Variants in MAGI3 observed in about 807,000 individuals in gnomAD.
The protein encoded by MAGI3 is membrane-associated guanylate kinase, WW and PDZ domain-containing protein 3.
A neutral mutation model predicts 121.8 loss-of-function variants in MAGI3; 43 were observed. The ratio of observed to expected loss-of-function variants is 0.35; its 90% CI spans 0.28 to 0.46. The LOEUF is 0.46. MAGI3 is among the 20% of genes least tolerant of loss of function. The probability of loss-of-function intolerance (pLI) is 1.00; values close to 1 mark genes in which losing one functional copy is unlikely to be tolerated. For missense variants in MAGI3, 1,547 were observed against 1,797.3 expected, an observed-to-expected ratio of 0.86 and a Z score of 2.52; for synonymous variants, 553 against 639.3, an observed-to-expected ratio of 0.86 and a Z score of 2.04.
chr1:113,636,647 A>G (rs1394231787), intron 9 of MAGI3, among the ~76,000 whole-genome samples: 2 of 152,068 alleles, frequency 1.3e-5, no homozygotes, highest in Non-Finnish European at 2.9e-5. Context: ...TTTACTTCCA[A>G]CTATGTGGTC....
intron 1 of MAGI3, among the ~76,000 whole-genome samples, chr1:113,407,574 T>C (rs912589472): frequency 1.9e-5 from 2 of 104,794 alleles, no homozygotes; most frequent in African/African-American, 5.9e-5. Flanking sequence ...CAATCTGTCT[T>C]TTTTTTTTTT....
chr1:113,419,279 A>G (rs147462673), intron 1 of MAGI3, among the ~76,000 whole-genome samples: 1 of 152,288 alleles, frequency 6.6e-6, no homozygotes, highest in East Asian at 1.9e-4. Flanking sequence ...TATCGAATCT[A>G]CATTCTGTAC....
intron 1 of MAGI3, among the ~76,000 whole-genome samples, chr1:113,520,674 C>T (rs984333641): frequency 7.2e-5 from 11 of 152,088 alleles, no homozygotes; most frequent in African/African-American, 2.4e-4. Flanking sequence ...GTGCAATCAG[C>T]TCACCACAAC....
chr1:113,665,870 A>G (rs1223743364), intron 16 of MAGI3, among the ~76,000 whole-genome samples: 1 of 152,158 alleles, frequency 6.6e-6, no homozygotes, highest in Non-Finnish European at 1.5e-5. Flanking sequence ...CATACCTTGG[A>G]GATACTGCAG....
At chr1:113,660,231 G>A (rs967446867) in intron 16 of MAGI3, among the ~76,000 whole-genome samples, 2 of 152,132 alleles carry the variant, frequency 1.3e-5, no homozygotes, top group Admixed American at 6.5e-5. Context: ...ATTCTGGGCA[G>A]GATTCCAAGA....
chr1:113,640,054 C>T (rs1285870321), intron 9 of MAGI3, among the ~76,000 whole-genome samples: 3 of 151,986 alleles, frequency 2.0e-5, no homozygotes, highest in Non-Finnish European at 4.4e-5. Flanking sequence ...CTGACCCTGT[C>T]AAAAAGTGGA....
rs764250269 is a variant in MAGI3 at position 113,406,278 on chromosome 1, G to GA, written c.316+14949dup. Among the ~76,000 whole-genome samples, 555 of 74,494 alleles carry GA rather than the reference G, an allele frequency of 7.5e-3. 5 individuals carry two copies. The highest frequency in any genetic ancestry group is 0.032 in the East Asian group (69 of 2,150). 48.9% of individuals were successfully genotyped at this position (74,494 alleles called of 152,430 possible). On this transcript the variant is annotated intron_variant, in intron 1 of 20. Coordinates refer to ENST00000307546, the MANE Select transcript of MAGI3 (RefSeq NM_001142782.2). ...AACACAGTGAGACCTTTTGTCTACA[G>GA]AAAAAAAAAAAAAAAAAAAATTAGC...
chr1:113,472,204 G>A (rs1031043290), intron 1 of MAGI3, among the ~76,000 whole-genome samples: 8 of 137,812 alleles, frequency 5.8e-5, no homozygotes, highest in Non-Finnish European at 1.3e-4. Context: ...GATAGATCTT[G>A]TTTTTTTTTT....
At chr1:113,514,417 C>G (rs1657779829) in intron 1 of MAGI3, among the ~76,000 whole-genome samples, 1 of 152,018 alleles carries the variant, frequency 6.6e-6, no homozygotes, top group Admixed American at 6.6e-5. Flanking sequence ...AAATGTGGCA[C>G]ATATACACCA....
intron 1 of MAGI3, among the ~76,000 whole-genome samples, chr1:113,466,721 A>C (rs1161402909): frequency 2.6e-5 from 4 of 152,068 alleles, no homozygotes; most frequent in Non-Finnish European, 5.9e-5. Flanking sequence ...TATATGTGCA[A>C]GAATTTACTC....
At chr1:113,394,223 A>G (rs1650975167) in intron 1 of MAGI3, among the ~76,000 whole-genome samples, 5 of 152,116 alleles carry the variant, frequency 3.3e-5, no homozygotes, top group African/African-American at 9.7e-5. Flanking sequence ...AGAGAATTGA[A>G]AGTTACTCTT....
intron 11 of MAGI3, among the ~76,000 whole-genome samples, 183 bp from the exon 12 acceptor site, chr1:113,646,303 T>C (rs78792283): frequency 1.3e-5 from 2 of 152,326 alleles, no homozygotes; most frequent in East Asian, 1.9e-4. Flanking sequence ...AAGTTAAATA[T>C]GTTTCAACCA....
intron 1 of MAGI3, among the ~76,000 whole-genome samples, chr1:113,458,564 G>T (rs1235705829): frequency 6.6e-6 from 1 of 152,172 alleles, no homozygotes; most frequent in Non-Finnish European, 1.5e-5. Flanking sequence ...AGACTGGAAT[G>T]CAGTGGCATG....
intron 1 of MAGI3, among the ~76,000 whole-genome samples, chr1:113,532,353 A>G (rs1401923050): frequency 6.6e-6 from 1 of 151,800 alleles, no homozygotes; most frequent in East Asian, 1.9e-4. Flanking sequence ...CCTTTCAGTC[A>G]GTATTTATAT....
chr1:113,480,483 G>A (rs12131115), intron 1 of MAGI3, among the ~76,000 whole-genome samples: 9,433 of 152,200 alleles, frequency 0.062, 319 homozygotes, highest in Non-Finnish European at 0.074. Flanking sequence ...GGTCCACAGG[G>A]GTTGACCTGG....
At chr1:113,529,485 G>A (rs985584234) in intron 1 of MAGI3, among the ~76,000 whole-genome samples, 11 of 152,148 alleles carry the variant, frequency 7.2e-5, no homozygotes, top group Admixed American at 7.2e-4. Flanking sequence ...TGCAGGCTCT[G>A]TCCTCATGAT....
chr1:113,511,712 G>A (rs1657623890), intron 1 of MAGI3, among the ~76,000 whole-genome samples: 1 of 152,040 alleles, frequency 6.6e-6, no homozygotes, highest in Non-Finnish European at 1.5e-5. Context: ...TAAAAGATTG[G>A]GTCAGATCAT....
intron 9 of MAGI3, among the ~76,000 whole-genome samples, chr1:113,634,041 G>A (rs1436581374): frequency 6.6e-6 from 1 of 151,648 alleles, no homozygotes; most frequent in South Asian, 2.1e-4. Flanking sequence ...CTTCTTTTGA[G>A]AAGTGTCTGT....
At chr1:113,589,476 T>C (rs1648567600) in intron 4 of MAGI3, among the ~76,000 whole-genome samples, 1 of 152,004 alleles carries the variant, frequency 6.6e-6, no homozygotes, top group African/African-American at 2.4e-5. Flanking sequence ...GAAGTAAGGT[T>C]AGGGCAAAGG....
Sources: gnomAD v4.1 joint callset for allele counts (sites outside exome capture counted in the v4.1 genomes callset) on GRCh38, gnomAD v4.1.1 for gene constraint, MANE v1.5 for transcripts, NCBI Gene and HGNC (gene_info 2026-07-23, HGNC 2026-07-21) for gene names.